The following DPP6 variants were observed in gnomAD, a reference collection of about 807,000 sequenced individuals.
DPP6 encodes dipeptidyl peptidase like 6, also known as A-type potassium channel modulatory protein DPP6.
In DPP6, 69 loss-of-function variants were observed where a neutral mutation model predicts 122.6. The observed-to-expected ratio is 0.56, with a 90% CI of 0.46 to 0.69. The LOEUF (loss-of-function observed/expected upper bound fraction) is 0.69. Among genes scored for constraint, DPP6 ranks in the 30% least tolerant of loss-of-function variants. The pLI is 0.00. For missense variants in DPP6, 928 were observed against 1,116.9 expected, an observed-to-expected ratio of 0.83 and a Z score of 2.41; for synonymous variants, 418 against 433.1, an observed-to-expected ratio of 0.97 and a Z score of 0.43.
At chr7:153,808,273 GCGCACGTGTGTGCCTGTGTGTGTGTC>G in the DPP6 span, among the ~76,000 whole-genome samples, 5,257 of 151,118 alleles carry the variant, frequency 0.035, 117 homozygotes, top group South Asian at 0.11. Context: ...GCCTGTGTGT[GCGCACGTGTGTGCCTGTGTGTGTGTC>G]TGCGCACATG....
At chr7:154,096,259 T>C (rs1184124950) in intron 1 of DPP6, among the ~76,000 whole-genome samples, 2 of 74,680 alleles carry the variant, frequency 2.7e-5, no homozygotes, top group South Asian at 5.3e-4. Context: ...TATCTACCCA[T>C]GCTATCAACT....
At chr7:154,747,036 A>T (rs1415703656) in intron 8 of DPP6, among the ~76,000 whole-genome samples, 1 of 152,208 alleles carries the variant, frequency 6.6e-6, no homozygotes, top group African/African-American at 2.4e-5. Flanking sequence ...GAATAAAAAC[A>T]TTGGAGGAAG....
chr7:153,873,618 G>C, the DPP6 span, among the ~76,000 whole-genome samples: 6 of 152,212 alleles, frequency 3.9e-5, no homozygotes, highest in Non-Finnish European at 8.8e-5. Flanking sequence ...CGACAGGAAA[G>C]TCTGGAGGGG....
chr7:153,763,029 G>A, the DPP6 span, among the ~76,000 whole-genome samples: 3 of 152,184 alleles, frequency 2.0e-5, no homozygotes, highest in Non-Finnish European at 4.4e-5. Flanking sequence ...GCATGGTCAT[G>A]AGCAGCCCAG....
In DPP6 at chr7:154,448,340, C is replaced by T. The variant is rs147263389; in HGVS notation, c.358+2012C>T. On this transcript the variant is annotated intron_variant, in intron 2 of 25. Coordinates refer to ENST00000377770, the MANE Select transcript of DPP6 (RefSeq NM_130797.4). ...TGATTCCACTTAAAATAGTTTCAAACGGAATAAGATACTTAAGAATAAATT... is the reference window on the plus strand; with the variant it reads ...TGATTCCACTTAAAATAGTTTCAAATGGAATAAGATACTTAAGAATAAATT... Among the ~76,000 whole-genome samples the T allele has an allele frequency of 1.6e-3, 242 of 151,860 alleles. 2 individuals carry two copies. The highest frequency in any genetic ancestry group is 8.5e-4 in the Non-Finnish European group (58 of 67,948).
intron 5 of DPP6, among the ~76,000 whole-genome samples, chr7:154,569,666 T>A (rs112075147): frequency 0.015 from 2,217 of 151,932 alleles, 34 homozygotes; most frequent in South Asian, 0.036. Context: ...ACTAGATATC[T>A]GTCATTTATT....
the DPP6 span, among the ~76,000 whole-genome samples, chr7:153,748,142 G>T: frequency 6.6e-6 from 1 of 152,188 alleles, no homozygotes; most frequent in Admixed American, 6.5e-5. Context: ...CAGAGCGCTC[G>T]CATCCCTCAG....
chr7:154,468,928 T>C (rs766163337), intron 2 of DPP6, among the ~76,000 whole-genome samples: 1 of 152,178 alleles, frequency 6.6e-6, no homozygotes, highest in Non-Finnish European at 1.5e-5. Context: ...ATAAATAATA[T>C]ACTTTAGTAA....
At chr7:153,965,274 A>G (rs1342271420) in intron 1 of DPP6, among the ~76,000 whole-genome samples, 1 of 151,994 alleles carries the variant, frequency 6.6e-6, no homozygotes, top group Non-Finnish European at 1.5e-5. Context: ...TGCAGTCTAG[A>G]TAATATTATG....
chr7:154,293,505 C>T (rs1474229983), intron 1 of DPP6, among the ~76,000 whole-genome samples: 1 of 152,166 alleles, frequency 6.6e-6, no homozygotes, highest in Non-Finnish European at 1.5e-5. Context: ...CAAGCCTCCC[C>T]CCATCAACTC....
chr7:154,647,356 T>G (rs976530682), intron 6 of DPP6, among the ~76,000 whole-genome samples: 2 of 152,238 alleles, frequency 1.3e-5, no homozygotes, highest in Non-Finnish European at 2.9e-5. Context: ...TCTGTCTGAA[T>G]ATGCCAGTAA....
At chr7:154,568,499 G>A (rs1830905917) in intron 5 of DPP6, among the ~76,000 whole-genome samples, 1 of 152,226 alleles carries the variant, frequency 6.6e-6, no homozygotes, top group Non-Finnish European at 1.5e-5. Context: ...ATGTGACAGA[G>A]GGGTTCCCGC....
chr7:153,911,504 A>G (rs936655459), intron 1 of DPP6, among the ~76,000 whole-genome samples: 71 of 152,208 alleles, frequency 4.7e-4, no homozygotes, highest in African/African-American at 1.7e-3. Context: ...GATGGAATGA[A>G]TTAATGTGGG....
At chr7:153,830,577 T>A in the DPP6 span, among the ~76,000 whole-genome samples, 3 of 152,216 alleles carry the variant, frequency 2.0e-5, no homozygotes, top group Admixed American at 6.5e-5. Context: ...AGTGTCTGAT[T>A]GAGCATGGAC....
intron 1 of DPP6, among the ~76,000 whole-genome samples, chr7:154,259,893 G>A (rs1056319157): frequency 1.3e-5 from 2 of 152,216 alleles, no homozygotes; most frequent in African/African-American, 4.8e-5. Flanking sequence ...GAGCAGGCAC[G>A]TGGCTGCTGG....
intron 1 of DPP6, among the ~76,000 whole-genome samples, chr7:154,012,045 T>C (rs9640197): frequency 0.12 from 18,407 of 152,156 alleles, 1,191 homozygotes; most frequent in East Asian, 0.19. Flanking sequence ...TATAACAAAA[T>C]GGCAAAGTAG....
At chr7:154,406,960 C>T (rs951420619) in intron 1 of DPP6, among the ~76,000 whole-genome samples, 2 of 152,196 alleles carry the variant, frequency 1.3e-5, no homozygotes, top group South Asian at 2.1e-4. Context: ...GTCACCTGAT[C>T]ATCCACTAAT....
At chr7:154,528,362 A>T (rs1278501973) in intron 3 of DPP6, among the ~76,000 whole-genome samples, 2 of 152,206 alleles carry the variant, frequency 1.3e-5, no homozygotes, top group Non-Finnish European at 2.9e-5. Flanking sequence ...ATTGAATCTC[A>T]TAAAGAGGCA....
chr7:154,234,319 A>G (rs77146442), intron 1 of DPP6, among the ~76,000 whole-genome samples: 1 of 152,146 alleles, frequency 6.6e-6, no homozygotes, highest in Non-Finnish European at 1.5e-5. Context: ...TGTGGGAGGT[A>G]ATCAGATTTC....
Sources: allele counts gnomAD v4.1 joint callset (sites outside exome capture counted in the v4.1 genomes callset), GRCh38; gene constraint gnomAD v4.1.1; transcripts MANE v1.5; gene names NCBI Gene and HGNC (gene_info 2026-07-23, HGNC 2026-07-21).